ASTN1: variants seen among roughly 807,000 people sequenced by gnomAD.
The protein encoded by ASTN1 is astrotactin-1.
ASTN1 carries 41 observed loss-of-function variants against 140.7 expected under a neutral mutation model. The ratio of observed to expected loss-of-function variants is 0.29; its 90% CI spans 0.23 to 0.38. ASTN1 has a LOEUF of 0.38. ASTN1 is among the 10% of genes least tolerant of loss of function. The probability of loss-of-function intolerance (pLI) is 1.00; values close to 1 mark genes in which losing one functional copy is unlikely to be tolerated. For missense variants in ASTN1, 1,479 were observed against 1,678.8 expected (o/e 0.88, Z 2.08); for synonymous variants, 640 against 652.2 (o/e 0.98, Z 0.29).
intron 3 of ASTN1, 102 bp downstream of exon 3, chr1:177,032,354 C>T (rs989882576): frequency 1.4e-6 from 2 of 1,465,560 alleles, no homozygotes; most frequent in Non-Finnish European, 9.3e-7. Flanking sequence ...CCACATCACA[C>T]TATGTAGGAC....
chr1:176,924,066 C>T (rs1234878748), intron 16 of ASTN1, among the ~76,000 whole-genome samples: 1 of 152,154 alleles, frequency 6.6e-6, no homozygotes, highest in East Asian at 1.9e-4. Flanking sequence ...TTTCCATGGC[C>T]AGCCCAGTTG....
At chr1:177,149,236 A>C (rs1302197038) in intron 1 of ASTN1, among the ~76,000 whole-genome samples, 1 of 101,268 alleles carries the variant, frequency 9.9e-6, no homozygotes, top group African/African-American at 4.5e-5. Flanking sequence ...TATAGTAAAT[A>C]TATATATACT....
intron 18 of ASTN1, among the ~76,000 whole-genome samples, chr1:176,887,373 A>G (rs1443397912): frequency 6.6e-6 from 1 of 152,100 alleles, no homozygotes; most frequent in Non-Finnish European, 1.5e-5. Context: ...TGGCCTATTC[A>G]TCTTCCCAGC....
At chr1:177,057,585 C>A (rs948857848) in intron 2 of ASTN1, among the ~76,000 whole-genome samples, 9 of 151,996 alleles carry the variant, frequency 5.9e-5, no homozygotes, top group Admixed American at 2.6e-4. Context: ...ATTAGTTAAG[C>A]TTTTAATTAT....
At chr1:177,002,642 G>A (rs1674790710) in intron 8 of ASTN1, among the ~76,000 whole-genome samples, 1 of 152,060 alleles carries the variant, frequency 6.6e-6, no homozygotes, top group Admixed American at 6.5e-5. Context: ...GTGGCAAAAT[G>A]TTTGCTCTTA....
chr1:176,905,212 T>C (rs1273732068), intron 16 of ASTN1, among the ~76,000 whole-genome samples: 2 of 152,206 alleles, frequency 1.3e-5, no homozygotes, highest in Non-Finnish European at 2.9e-5. Flanking sequence ...AGCTCCACAG[T>C]ACAAACACTC....
intron 6 of ASTN1, 117 bp downstream of exon 6, chr1:177,024,466 G>T: frequency 7.7e-7 from 1 of 1,296,060 alleles, no homozygotes; most frequent in South Asian, 1.5e-5. Context: ...ATTTCAGTTT[G>T]GTTTTCCCCC....
chr1:176,951,992 G>A (rs1006474485), intron 11 of ASTN1, among the ~76,000 whole-genome samples: 1 of 152,108 alleles, frequency 6.6e-6, no homozygotes, highest in African/African-American at 2.4e-5. Flanking sequence ...CCCAGTGGTG[G>A]AAAATGGCAT....
intron 7 of ASTN1, among the ~76,000 whole-genome samples, chr1:177,017,438 G>T (rs1455051428): frequency 6.6e-6 from 1 of 152,234 alleles, no homozygotes; most frequent in Non-Finnish European, 1.5e-5. Flanking sequence ...TTTCAGACTT[G>T]ATGGGGGAAG....
chr1:176,943,203 G>A (rs1197010250), intron 14 of ASTN1, among the ~76,000 whole-genome samples: 1 of 151,990 alleles, frequency 6.6e-6, no homozygotes, highest in Non-Finnish European at 1.5e-5. Flanking sequence ...TCTCTTCCTT[G>A]GTCCGGGAGG....
chr1:177,098,300 C>T (rs897723524), intron 1 of ASTN1, among the ~76,000 whole-genome samples: 8 of 151,566 alleles, frequency 5.3e-5, no homozygotes, highest in Non-Finnish European at 8.8e-5. Flanking sequence ...TGGTTGTTGG[C>T]GTGAAAAACC....
At chr1:176,885,651 A>G (rs1669003961) in intron 18 of ASTN1, among the ~76,000 whole-genome samples, 2 of 152,126 alleles carry the variant, frequency 1.3e-5, no homozygotes, top group Admixed American at 6.6e-5. Context: ...TCACTGTGCA[A>G]GGTACTAAGA....
intron 21 of ASTN1, 57 bp from the exon 22 acceptor site, chr1:176,869,084 T>C (rs761708923): frequency 5.8e-6 from 7 of 1,199,690 alleles, no homozygotes; most frequent in Non-Finnish European, 7.8e-6. Flanking sequence ...AATGTATATA[T>C]ATACACACAT....
chr1:176,925,217 T>C (rs1298527719), intron 16 of ASTN1, among the ~76,000 whole-genome samples: 2 of 152,190 alleles, frequency 1.3e-5, no homozygotes, highest in African/African-American at 4.8e-5. Context: ...TCTGTGGAGT[T>C]GACATCAGGA....
At chr1:177,091,855 G>T (rs375840859) in intron 1 of ASTN1, among the ~76,000 whole-genome samples, 1 of 151,998 alleles carries the variant, frequency 6.6e-6, no homozygotes, top group Non-Finnish European at 1.5e-5. Flanking sequence ...GTTGTAGCAC[G>T]TATCGGCACT....
intron 11 of ASTN1, 139 bp from the exon 12 acceptor site, chr1:176,949,490 C>A: frequency 1.0e-6 from 1 of 992,894 alleles, no homozygotes; most frequent in Non-Finnish European, 1.4e-6. Context: ...CATGAATTTC[C>A]TACCACAGCA....
In ASTN1 at chr1:176,882,842, A is replaced by T; in HGVS notation, c.3362+17T>A. The stretch of plus-strand genomic sequence containing the variant: ...CTGTCAGGGTAAGAAGTCACTAGGT[A>T]GGTGTGTGTTACTCACATGTAAATG... On this transcript the variant is annotated intron_variant, in intron 20 of 22. Coordinates refer to ENST00000361833, the MANE Select transcript of ASTN1 (RefSeq NM_004319.3). 1 of 1,614,064 alleles carries T rather than the reference A, an allele frequency of 6.2e-7. No individual in the cohort carries two copies. The highest frequency in any genetic ancestry group is 8.5e-7 in the Non-Finnish European group (1 of 1,179,954).
intron 9 of ASTN1, 21 bp downstream of exon 9, chr1:176,965,140 CAA>C: frequency 6.2e-7 from 1 of 1,609,382 alleles, no homozygotes. Context: ...CGTACATAAG[CAA>C]GTCCCTAGAC....
intron 16 of ASTN1, among the ~76,000 whole-genome samples, chr1:176,924,444 T>C (rs1220410070): frequency 6.6e-6 from 1 of 152,216 alleles, no homozygotes; most frequent in East Asian, 1.9e-4. Context: ...AATCCTTCAG[T>C]CAACCTCTGG....
Sources: allele counts gnomAD v4.1 joint callset (sites outside exome capture counted in the v4.1 genomes callset), GRCh38; gene constraint gnomAD v4.1.1; transcripts MANE v1.5; gene names NCBI Gene and HGNC (gene_info 2026-07-23, HGNC 2026-07-21).